Variants in MEFV observed in about 807,000 individuals in gnomAD.
The protein encoded by MEFV is MEFV innate immunity regulator, pyrin, also known as pyrin.
In MEFV, 60 loss-of-function variants were observed where a neutral mutation model predicts 62.5. The observed-to-expected ratio is 0.96, with a 90% CI of 0.78 to 1.19. MEFV has a LOEUF of 1.19. Among genes scored for constraint, MEFV ranks in the 50% most tolerant of loss-of-function variants. The pLI, the probability that MEFV is intolerant of heterozygous loss-of-function variation, is 0.00. For synonymous variants in MEFV, 500 were observed against 415.2 expected (o/e 1.20, Z -2.48); for missense variants, 1,169 against 1,004.5 (o/e 1.16, Z -2.21).
At position 3,249,535 on chromosome 16, in the gene MEFV, A is replaced by C; in HGVS notation, c.1156T>G (p.Phe386Val). 6.2e-7 allele frequency: 1 copy of C among 1,614,224 alleles called. No homozygotes were observed. The highest frequency in any genetic ancestry group is 8.5e-7 in the Non-Finnish European group (1 of 1,180,032). The change falls in exon 3 of 10, where the codon TTC (phenylalanine) becomes GTC (valine). Residue 386 changes from phenylalanine (F) to valine (V), a missense_variant. Physicochemically the swap from Phe to Val is conservative, Grantham distance 50. Coordinates refer to ENST00000219596, the MANE Select transcript of MEFV (RefSeq NM_000243.3). ...ATGGGCTCATCGTGATCCTCACAGAAGAGCAGCTGGACCTGCTTCAGGTGG... is the reference window on the plus strand; with the variant it reads ...ATGGGCTCATCGTGATCCTCACAGACGAGCAGCTGGACCTGCTTCAGGTGG... ...KRHLKQVQLLFCEDHDEPICL... is the reference protein window; with the variant it reads ...KRHLKQVQLLVCEDHDEPICL...
intron 2 of MEFV, chr16:3,251,981 C>G (rs563555718): frequency 7.0e-6 from 3 of 425,736 alleles, no homozygotes; most frequent in Non-Finnish European, 1.4e-5. Context: ...GTTTCGGAGG[C>G]AAAGATGGGA....
chr16:3,254,821 A>G (rs1434442102), intron 1 of MEFV, 31 bp from the exon 2 acceptor site: 1 of 1,607,238 alleles, frequency 6.2e-7, no homozygotes, highest in African/African-American at 1.3e-5. Context: ...AAAATGATGA[A>G]GCTGTCCCAC....
rs1959078665 is a variant in MEFV at position 3,254,232 on chromosome 16, GC to G, written c.835del (p.Ala279GlnfsTer13). 6.2e-7 allele frequency: 1 copy of G among 1,614,144 alleles called. No homozygotes were observed. Among genetic ancestry groups the G allele is most frequent in the Non-Finnish European group, 8.5e-7 (1 of 1,180,058 alleles). On this transcript the variant is annotated frameshift_variant, in exon 2 of 10. Transcript: ENST00000219596. LOFTEE classifies it high-confidence loss of function. ...ANLDSATEPR[A>X]RPTPDGGASA... ...TGCCCCTCCATCCGGAGTGGGCCTT[GC>G]CCGGGGTTCTGTTGCCGAGTCCAGA...
intron 2 of MEFV, 40 bp downstream of exon 2, chr16:3,254,118 T>C (rs762309526): frequency 4.4e-6 from 7 of 1,608,502 alleles, no homozygotes; most frequent in African/African-American, 1.3e-5. Context: ...AGCCATTCTT[T>C]CTCTGCAGCC....
Position 3,254,643 on chromosome 16 carries a change from A to T in MEFV, c.425T>A (p.Leu142Gln). 3 of 1,607,894 alleles carry T rather than the reference A, an allele frequency of 1.9e-6. No individual in the cohort carries two copies. The South Asian group carries it at 3.3e-5, about 18-fold the overall frequency. The stretch of plus-strand genomic sequence containing the variant: ...CCCGGCCTCGGGCTGGCTGCACCGC[A>T]GGCTGGCAGCTCCGCCCCCGTACGG... ...PRPYGGGAAS[L>Q]RCSQPEAGRG... Residue 142 changes from leucine to glutamine, a missense_variant, in exon 2 of 10, where the codon CTG becomes CAG. Leu to Gln is a moderately radical substitution (Grantham distance 113). Transcript: ENST00000219596.
At chr16:3,249,192 G>C (rs1403302876) in intron 3 of MEFV, among the ~76,000 whole-genome samples, 188 bp from the exon 4 acceptor site, 4 of 152,224 alleles carry the variant, frequency 2.6e-5, no homozygotes, top group Non-Finnish European at 4.4e-5. Flanking sequence ...AGAGCTGAGA[G>C]GCACTTCCTC....
At chr16:3,252,517 G>C (rs930554143) in intron 2 of MEFV, among the ~76,000 whole-genome samples, 2 of 151,818 alleles carry the variant, frequency 1.3e-5, no homozygotes, top group African/African-American at 4.8e-5. Context: ...CAGGTGATCC[G>C]CCCCCATTGG....
chr16:3,242,861 C>G lies in MEFV; in HGVS notation c.*280G>C, dbSNP rs562541179. The G allele has an allele frequency of 8.3e-5, 40 of 484,030 alleles. No individual in the cohort carries two copies. Among genetic ancestry groups the G allele is most frequent in the Admixed American group, 1.3e-4 (4 of 30,516 alleles). The allele number at this position is 484,030 out of a possible 1,614,324, so 30.0% of individuals were successfully genotyped here. ...GGCCAAATCTTCTGTTCAGGAGCAC[C>G]TGAGAGTGCCACCCACCAGGGGCGG... On this transcript the variant is annotated 3_prime_UTR_variant, in exon 10 of 10. Coordinates refer to ENST00000219596, the MANE Select transcript of MEFV (RefSeq NM_000243.3).
In MEFV at chr16:3,243,057, G is replaced by C; in HGVS notation, c.*84C>G. 1 of 1,463,586 alleles carries C rather than the reference G, an allele frequency of 6.8e-7. No individual in the cohort carries two copies. Among genetic ancestry groups the C allele is most frequent in the Non-Finnish European group, 9.5e-7 (1 of 1,047,194 alleles). 90.7% of individuals were successfully genotyped at this position (1,463,586 alleles called of 1,614,324 possible). ...ATTTTTGCATTTCCCATAGCAGCTA[G>C]CACCTAGTCGGCATTCCGTGACTAT... On this transcript the variant is annotated 3_prime_UTR_variant, in exon 10 of 10. Transcript: ENST00000219596.
intron 6 of MEFV, 44 bp downstream of exon 6, chr16:3,246,481 T>C (rs796816235): frequency 6.2e-7 from 1 of 1,613,204 alleles, no homozygotes; most frequent in East Asian, 2.2e-5. Flanking sequence ...CCCCATATGC[T>C]TTCTGCAAGA....
chr16:3,254,457 C>T lies in MEFV; in HGVS notation c.611G>A (p.Arg204His), dbSNP rs775663363. 40 of 1,605,932 alleles carry T rather than the reference C, an allele frequency of 2.5e-5. No homozygotes were observed. Among genetic ancestry groups the T allele is most frequent in the South Asian group, 1.8e-4 (16 of 90,834 alleles). The change falls in exon 2 of 10, where the codon CGC (arginine) becomes CAC (histidine). Residue 204 changes from arginine to histidine, a missense_variant. Transcript: ENST00000219596. ...CCTCCCCGCGGAGCTGGCGTTTCTG[C>T]GCAGCCGGACCTCGGCCTGGCCCCC... ...LEGGQAEVRL[R>H]RNASSAGRLQ...
intron 4 of MEFV, 146 bp downstream of exon 4, chr16:3,248,763 C>T: frequency 6.4e-6 from 10 of 1,560,012 alleles, no homozygotes; most frequent in Non-Finnish European, 8.6e-6. Context: ...TGAGCTTACC[C>T]TTGGCTGCTG....
rs775091166 is a variant in MEFV at position 3,243,471 on chromosome 16, T to C, written c.2016A>G (p.Thr672=). Residue 672 remains threonine (T), a synonymous_variant, in exon 10 of 10, where the codon ACA becomes ACG. Transcript: ENST00000219596. The part of the protein sequence containing the change: ...KTAWILGACK[T]SISRKGNMTL... ...TCATGTTCCCTTTCCTGCTTATGGATGTCTTGCAGGCTCCCAGGATCCATG... is the reference window on the plus strand; with the variant it reads ...TCATGTTCCCTTTCCTGCTTATGGACGTCTTGCAGGCTCCCAGGATCCATG... The C allele has an allele frequency of 6.2e-7, 1 of 1,614,124 alleles. No individual in the cohort carries two copies. Among genetic ancestry groups the C allele is most frequent in the South Asian group, 1.1e-5 (1 of 91,082 alleles).
chr16:3,249,101 G>T, intron 3 of MEFV, 97 bp from the exon 4 acceptor site: 1 of 1,225,074 alleles, frequency 8.2e-7, no homozygotes, highest in Non-Finnish European at 1.2e-6. Flanking sequence ...TGGTAGCAAG[G>T]CTGAGGGTGC....
intron 1 of MEFV, among the ~76,000 whole-genome samples, chr16:3,255,107 A>G (rs1310478709): frequency 2.0e-5 from 3 of 152,212 alleles, no homozygotes; most frequent in East Asian, 1.9e-4. Flanking sequence ...ATTTGAGGTC[A>G]GGAGTTCGAG....
chr16:3,248,631 A>C, intron 4 of MEFV: 1 of 876,910 alleles, frequency 1.1e-6, no homozygotes. Context: ...CCTCAATCCC[A>C]TCTTTCTGCA....
At position 3,254,829 on chromosome 16, in the gene MEFV, C is replaced by A. The variant is rs1206013298; in HGVS notation, c.278-39G>T. 5 of 1,605,722 alleles carry A rather than the reference C, an allele frequency of 3.1e-6. No homozygotes were observed. The Admixed American group carries it at 6.7e-5, about 21-fold the overall frequency. ...CAGATGCAAAATGATGAAGCTGTCC[C>A]ACGTTTAGGGCCCAAGATTCAGGGC... On this transcript the variant is annotated intron_variant, in intron 1 of 9. Coordinates refer to ENST00000219596, the MANE Select transcript of MEFV (RefSeq NM_000243.3).
intron 2 of MEFV, among the ~76,000 whole-genome samples, chr16:3,253,519 C>A (rs113372368): frequency 1.4e-4 from 21 of 152,018 alleles, no homozygotes; most frequent in African/African-American, 4.8e-4. Context: ...TTTTTTCCCC[C>A]CAAAATGTTT....
intron 6 of MEFV, among the ~76,000 whole-genome samples, chr16:3,245,547 T>A (rs1019927510): frequency 1.6e-4 from 25 of 151,672 alleles, no homozygotes; most frequent in African/African-American, 6.1e-4. Flanking sequence ...GGTGGGAGAA[T>A]CCCTTGAACC....
Sources: gnomAD v4.1 joint callset for allele counts (sites outside exome capture counted in the v4.1 genomes callset) on GRCh38, gnomAD v4.1.1 for gene constraint, MANE v1.5 for transcripts, NCBI Gene and HGNC (gene_info 2026-07-23, HGNC 2026-07-21) for gene names.